Variants in MYZAP observed in about 807,000 individuals in gnomAD.
The protein encoded by MYZAP is GRINL1A complex locus upstream.
Under a neutral mutation model 69.4 loss-of-function variants are expected in MYZAP, and 66 were observed. That is an observed-to-expected ratio of 0.95 (90% confidence interval 0.78 to 1.17). MYZAP has a LOEUF of 1.17. MYZAP is among the 50% of genes most tolerant of loss of function. MYZAP has a pLI of 0.00. For synonymous variants in MYZAP, 256 were observed against 205.9 expected (o/e 1.24, Z -2.09); for missense variants, 611 against 556.2 (o/e 1.10, Z -0.99).
chr15:57,596,747 G>C (rs2034086694), intron 1 of MYZAP, among the ~76,000 whole-genome samples: 1 of 152,178 alleles, frequency 6.6e-6, no homozygotes, highest in African/African-American at 2.4e-5. Flanking sequence ...GGTCTTCTCA[G>C]ATATTCCAAA....
chr15:57,673,583 G>A (rs2038980317), intron 11 of MYZAP, among the ~76,000 whole-genome samples: 1 of 145,208 alleles, frequency 6.9e-6, no homozygotes, highest in Non-Finnish European at 1.5e-5. Context: ...AGAACCCATC[G>A]ATCTGTCATA....
intron 8 of MYZAP, among the ~76,000 whole-genome samples, chr15:57,635,940 C>T (rs887738470): frequency 1.3e-5 from 2 of 152,168 alleles, no homozygotes; most frequent in African/African-American, 2.4e-5. Flanking sequence ...GTGTTCTCTA[C>T]CAGGGACCCT....
chr15:57,657,682 C>G (rs1253116644), intron 10 of MYZAP, among the ~76,000 whole-genome samples: 6 of 152,126 alleles, frequency 3.9e-5, no homozygotes, highest in African/African-American at 7.2e-5. Context: ...CCTTATTTCT[C>G]TCTATTATAA....
At chr15:57,629,875 T>C (rs1185031656) in intron 6 of MYZAP, 21 bp downstream of exon 6, 2 of 1,606,470 alleles carry the variant, frequency 1.2e-6, no homozygotes, top group South Asian at 1.1e-5. Flanking sequence ...AAAGCCTAGA[T>C]TTATTTTCTA....
intron 11 of MYZAP, among the ~76,000 whole-genome samples, chr15:57,666,510 A>G (rs914647110): frequency 1.3e-5 from 2 of 152,084 alleles, no homozygotes; most frequent in Non-Finnish European, 2.9e-5. Flanking sequence ...CCCAAATCCA[A>G]ATGACACAGC....
At chr15:57,668,554 T>C (rs1273093877) in intron 11 of MYZAP, among the ~76,000 whole-genome samples, 3 of 152,168 alleles carry the variant, frequency 2.0e-5, no homozygotes, top group African/African-American at 7.2e-5. Context: ...AGAAAATAAA[T>C]TGAGCCATGC....
chr15:57,656,959 C>T (rs2038040002), intron 10 of MYZAP, among the ~76,000 whole-genome samples: 1 of 152,158 alleles, frequency 6.6e-6, no homozygotes. Flanking sequence ...AGTGTCTCTC[C>T]AGACTAGCAT....
chr15:57,674,870 C>T (rs866618795), intron 11 of MYZAP, 98 bp from the exon 12 acceptor site: 4 of 1,039,348 alleles, frequency 3.8e-6, no homozygotes, highest in Admixed American at 2.7e-5. Flanking sequence ...TTGCCCATGT[C>T]ATGGGGCAAA....
intron 2 of MYZAP, among the ~76,000 whole-genome samples, chr15:57,607,446 A>G (rs186581055): frequency 5.0e-4 from 76 of 152,000 alleles, no homozygotes; most frequent in Middle Eastern, 6.8e-3. Flanking sequence ...AAACTTGTCA[A>G]TAGGACCCTC....
At position 57,668,629 on chromosome 15, in the gene MYZAP, G is replaced by T. The variant is rs558460549; in HGVS notation, c.1204-6339G>T. ...CATTTCCTTGTCAACTGGTGATGCT[G>T]AGCATCTTTTCTTCTTTTCGAGAAT... On this transcript the variant is annotated intron_variant, in intron 11 of 12. Transcript: ENST00000267853. Among the ~76,000 whole-genome samples, 230 of 152,116 alleles carry T rather than the reference G, an allele frequency of 1.5e-3. 1 individual carries two copies. The highest frequency in any genetic ancestry group is 2.7e-3 in the Non-Finnish European group (181 of 68,012).
intron 8 of MYZAP, among the ~76,000 whole-genome samples, chr15:57,635,503 G>C (rs1440567019): frequency 6.6e-6 from 1 of 152,240 alleles, no homozygotes; most frequent in African/African-American, 2.4e-5. Flanking sequence ...GAGCCAGGAA[G>C]CTGGTAAGGC....
chr15:57,631,180 A>AT (rs35864215), intron 6 of MYZAP, among the ~76,000 whole-genome samples: 68,734 of 151,926 alleles, frequency 0.45, 15,692 homozygotes, highest in Non-Finnish European at 0.48. Context: ...GATTTAAGTA[A>AT]TTTTTTTCAG....
At chr15:57,608,032 G>C (rs751680009) in intron 2 of MYZAP, among the ~76,000 whole-genome samples, 23 of 152,356 alleles carry the variant, frequency 1.5e-4, no homozygotes, top group Non-Finnish European at 1.8e-4. Flanking sequence ...TGGTTCCTTT[G>C]AAGGGGCTTC....
At chr15:57,595,679 A>G (rs1048339277) in intron 1 of MYZAP, among the ~76,000 whole-genome samples, 1 of 152,114 alleles carries the variant, frequency 6.6e-6, no homozygotes, top group Non-Finnish European at 1.5e-5. Flanking sequence ...TCTGTCAAGG[A>G]TCTTCTCCAG....
Position 57,675,087 on chromosome 15 carries a change from ATT to A in MYZAP, c.1304+29_1304+30del, listed in dbSNP as rs5812908. ...TACCCAGGTATTTAGGAATTTCCTG[ATT>A]TTTTTTTTTATTCAAATTCCTCTTT... On this transcript the variant is annotated intron_variant, in intron 12 of 12. Transcript: ENST00000267853. 2,212 of 1,352,810 alleles carry A rather than the reference ATT, an allele frequency of 1.6e-3. 3 individuals carry two copies. The highest frequency in any genetic ancestry group is 2.3e-3 in the South Asian group (172 of 73,908). 83.8% of individuals were successfully genotyped at this position (1,352,810 alleles called of 1,614,324 possible). A position where few individuals can be genotyped will look rare whatever the true frequency, so the allele number is the denominator to read the frequency against.
chr15:57,644,334 A>G (rs534217768), intron 10 of MYZAP, among the ~76,000 whole-genome samples: 18 of 152,236 alleles, frequency 1.2e-4, no homozygotes, highest in Non-Finnish European at 2.2e-4. Flanking sequence ...CCAGGAGCAC[A>G]GAAGTGAGAA....
chr15:57,637,904 A>G (rs2140459471), intron 9 of MYZAP, 130 bp downstream of exon 9: 1 of 962,624 alleles, frequency 1.0e-6, no homozygotes, highest in South Asian at 1.8e-5. Flanking sequence ...CATACATAAC[A>G]TTGGGCTGAG....
intron 8 of MYZAP, among the ~76,000 whole-genome samples, chr15:57,635,932 G>A (rs1182716473): frequency 4.6e-5 from 7 of 152,184 alleles, no homozygotes; most frequent in South Asian, 2.1e-4. Flanking sequence ...TTTAAGGAGT[G>A]TTCTCTACCA....
chr15:57,643,841 A>T (rs1285846939), intron 10 of MYZAP, among the ~76,000 whole-genome samples: 1 of 151,584 alleles, frequency 6.6e-6, no homozygotes, highest in African/African-American at 2.4e-5. Flanking sequence ...GTGATATAGG[A>T]AATGTTTCTT....
Sources: gnomAD v4.1 joint callset for allele counts (sites outside exome capture counted in the v4.1 genomes callset) on GRCh38, gnomAD v4.1.1 for gene constraint, MANE v1.5 for transcripts, NCBI Gene and HGNC (gene_info 2026-07-23, HGNC 2026-07-21) for gene names.